FER1L5: variants seen among roughly 807,000 people sequenced by gnomAD.
FER1L5 encodes the protein fer-1-like protein 5.
FER1L5 carries 187 observed loss-of-function variants against 279.9 expected under a neutral mutation model. The observed-to-expected ratio is 0.67, with a 90% CI of 0.59 to 0.75. The LOEUF is 0.75. FER1L5 is among the 30% of genes least tolerant of loss of function. The probability of loss-of-function intolerance (pLI) is 0.00; values close to 1 mark genes in which losing one functional copy is unlikely to be tolerated. For synonymous variants in FER1L5, 921 were observed against 989.7 expected (o/e 0.93, Z 1.30); for missense variants, 2,091 against 2,594.4 (o/e 0.81, Z 4.21).
intron 19 of FER1L5, among the ~76,000 whole-genome samples, chr2:96,680,786 T>C (rs1392905890): frequency 6.6e-6 from 1 of 152,214 alleles, no homozygotes; most frequent in Admixed American, 6.5e-5. Flanking sequence ...AGCACTCAGA[T>C]CACGGATCTG....
intron 9 of FER1L5, among the ~76,000 whole-genome samples, chr2:96,659,476 T>C (rs559082473): frequency 6.5e-5 from 2 of 31,004 alleles, no homozygotes; most frequent in African/African-American, 3.1e-4. Context: ...TTTCTTTCTT[T>C]CTTTCTTTCT....
chr2:96,656,157 C>G (rs932354931), intron 9 of FER1L5, among the ~76,000 whole-genome samples: 1 of 152,176 alleles, frequency 6.6e-6, no homozygotes, highest in African/African-American at 2.4e-5. Flanking sequence ...AATCAAATCT[C>G]AAGCATCACA....
chr2:96,657,681 G>A (rs907336845), intron 9 of FER1L5, among the ~76,000 whole-genome samples: 1 of 152,056 alleles, frequency 6.6e-6, no homozygotes, highest in Non-Finnish European at 1.5e-5. Context: ...ATTTCCTAGA[G>A]TTCATATCAA....
rs540753051 is a variant in FER1L5 at position 96,702,993 on chromosome 2, C to T, written c.5413C>T (p.Leu1805=). 4 of 1,612,404 alleles carry T rather than the reference C, an allele frequency of 2.5e-6. No homozygotes were observed. The highest frequency in any genetic ancestry group is 3.4e-6 in the Non-Finnish European group (4 of 1,179,344). Residue 1805 remains leucine, a synonymous_variant, in exon 49 of 53, where the codon CTG becomes TTG. Transcript: ENST00000624922. This position sits in a 1 kb window ranked among gnomAD's most constrained non-coding sequence, Gnocchi z 4.0. The stretch of plus-strand genomic sequence containing the variant: ...ATTTCCCCAGGATTACATATGGAGC[C>T]TGGATGCCACGTCCATGAAGTTCCC... The part of the protein sequence containing the change: ...VQSQKDYIWS[L]DATSMKFPAR...
intron 37 of FER1L5, 80 bp downstream of exon 37, chr2:96,696,157 A>G: frequency 1.9e-6 from 3 of 1,579,434 alleles, no homozygotes; most frequent in Non-Finnish European, 2.6e-6. Context: ...GGTGTCCATT[A>G]AACAGTCTGG....
At position 96,663,425 on chromosome 2, in the gene FER1L5, T is replaced by C; in HGVS notation, c.1072-14T>C. 1 of 1,551,494 alleles carries C rather than the reference T, an allele frequency of 6.4e-7. No homozygotes were observed. Among genetic ancestry groups the C allele is most frequent in the Non-Finnish European group, 8.7e-7 (1 of 1,146,860 alleles). On this transcript the variant is annotated splice_polypyrimidine_tract_variant and intron_variant, in intron 13 of 52. Coordinates refer to ENST00000624922, the MANE Select transcript of FER1L5 (RefSeq NM_001293083.2). The stretch of plus-strand genomic sequence containing the variant: ...GGGGCAGGCTGGCACCAACACTGCT[T>C]TGGGACATTCCAGCTCAGGACACAC...
chr2:96,670,515 C>T (rs1320202111), intron 18 of FER1L5, among the ~76,000 whole-genome samples: 3 of 152,112 alleles, frequency 2.0e-5, no homozygotes, highest in Non-Finnish European at 4.4e-5. Flanking sequence ...CGGTGGCTCA[C>T]GCCTGTAATC....
At position 96,659,451 on chromosome 2, in the gene FER1L5, T is replaced by C. The variant is rs1182089632; in HGVS notation, c.748-890T>C. ...TTTCTTTCTTTCTTTCTTTCTTTCT[T>C]TCTTTCTTTCTTTCTTTCTTTCTTT... On this transcript the variant is annotated intron_variant, in intron 9 of 52. Coordinates refer to ENST00000624922, the MANE Select transcript of FER1L5 (RefSeq NM_001293083.2). Among the ~76,000 whole-genome samples, 4 of 30,960 alleles carry C rather than the reference T, an allele frequency of 1.3e-4. No individual in the cohort carries two copies. The South Asian group carries it at 5.2e-3, about 40-fold the overall frequency. The allele number at this position is 30,960 out of a possible 152,430, so 20.3% of individuals were successfully genotyped here. A position where few individuals can be genotyped will look rare whatever the true frequency, so the allele number is the denominator to read the frequency against.
In FER1L5 at chr2:96,698,736, G is replaced by A. The variant is rs2077476602; in HGVS notation, c.4422G>A (p.Leu1474=). Residue 1474 remains leucine, a synonymous_variant, in exon 41 of 53, where the codon TTG becomes TTA. Transcript: ENST00000624922. The surrounding 1 kb of genome is among the most constrained non-coding windows in gnomAD (Gnocchi z 5.5). ...CCCCAAAGCCCCCGCTGCAGTTCTT[G>A]GTTTGGCCAGAGAGAGAGGACTTCC... is the stretch of plus-strand genomic sequence containing the variant. ...PEAPKPPLQF[L]VWPEREDFPQ... is the part of the protein sequence containing the mutation. 4 of 1,578,250 alleles carry A rather than the reference G, an allele frequency of 2.5e-6. No homozygotes were observed. The South Asian group carries it at 4.7e-5, about 18-fold the overall frequency.
At chr2:96,688,457 C>CCACTTGGGGAGGTACAGCCCACT (rs1166313864) in intron 24 of FER1L5, among the ~76,000 whole-genome samples, 1 of 152,072 alleles carries the variant, frequency 6.6e-6, no homozygotes, top group Non-Finnish European at 1.5e-5. Flanking sequence ...AACCATCAAC[C>CCACTTGGGGAGGTACAGCCCACT]TGGGGAGTGG....
rs913646128 is a variant in FER1L5 at position 96,689,950 on chromosome 2, C to G, written c.2640+192C>G. On this transcript the variant is annotated intron_variant, in intron 26 of 52. Coordinates refer to ENST00000624922, the MANE Select transcript of FER1L5 (RefSeq NM_001293083.2). This position sits in a 1 kb window ranked among gnomAD's most constrained non-coding sequence, Gnocchi z 4.6. ...ATGGGGTGAGGGGTTTGTAGAAATACCTTAAATAAGACTGAGAAACAACAA... is the reference window on the plus strand; with the variant it reads ...ATGGGGTGAGGGGTTTGTAGAAATAGCTTAAATAAGACTGAGAAACAACAA... 6.6e-6 allele frequency among the ~76,000 whole-genome samples: 1 copy of G among 152,142 alleles called. No homozygotes were observed. The highest frequency in any genetic ancestry group is 1.5e-5 in the Non-Finnish European group (1 of 68,028).
intron 9 of FER1L5, among the ~76,000 whole-genome samples, chr2:96,655,764 C>T (rs1348212951): frequency 2.0e-5 from 3 of 152,166 alleles, no homozygotes; most frequent in Non-Finnish European, 4.4e-5. Context: ...GGCTGGATTG[C>T]AGTGGTGCAA....
In FER1L5 at chr2:96,698,306, C is replaced by T; in HGVS notation, c.4356+150C>T. ...GGAGTGGAGGAGCAGAGATTCGCCT[C>T]CACAGGAACTCGGGGAGCGCTCCCC... On this transcript the variant is annotated intron_variant, in intron 40 of 52. Coordinates refer to ENST00000624922, the MANE Select transcript of FER1L5 (RefSeq NM_001293083.2). This position sits in a 1 kb window ranked among gnomAD's most constrained non-coding sequence, Gnocchi z 5.5. The T allele has an allele frequency of 8.0e-7, 1 of 1,254,248 alleles. No individual in the cohort carries two copies. The highest frequency in any genetic ancestry group is 1.5e-5 in the African/African-American group (1 of 66,236). 77.7% of individuals were successfully genotyped at this position (1,254,248 alleles called of 1,614,324 possible).
chr2:96,673,017 G>C, intron 18 of FER1L5, 60 bp from the exon 19 acceptor site: 4 of 1,503,414 alleles, frequency 2.7e-6, no homozygotes, highest in Non-Finnish European at 3.6e-6. Flanking sequence ...CTCCCTGCCT[G>C]TCAATATAAC....
In FER1L5 at chr2:96,703,532, A is replaced by G; in HGVS notation, c.5701A>G (p.Lys1901Glu). The change falls in exon 51 of 53, where the codon AAG becomes GAG. Residue 1901 changes from lysine to glutamate, a missense_variant. Coordinates refer to ENST00000624922, the MANE Select transcript of FER1L5 (RefSeq NM_001293083.2). The stretch of plus-strand genomic sequence containing the variant: ...CCCATGGTGTTCCTAGGGCAAGGTG[A>G]AGATGAGCCTGGAGATTCTGTCAGA... ...GGKWRLSGKV[K>E]MSLEILSEKE... 6.2e-7 allele frequency: 1 copy of G among 1,613,986 alleles called. No homozygotes were observed. Among genetic ancestry groups the G allele is most frequent in the Non-Finnish European group, 8.5e-7 (1 of 1,179,886 alleles).
chr2:96,662,149 G>A (rs984454390), intron 12 of FER1L5, 66 bp from the exon 13 acceptor site: 45 of 1,486,692 alleles, frequency 3.0e-5, no homozygotes, highest in South Asian at 1.6e-4. Context: ...TTGTTCTGTC[G>A]CCACCCTATT....
intron 1 of FER1L5, among the ~76,000 whole-genome samples, chr2:96,645,688 A>T (rs2106409551): frequency 6.6e-6 from 1 of 152,184 alleles, no homozygotes; most frequent in Non-Finnish European, 1.5e-5. Flanking sequence ...AGGTGGGAGG[A>T]TGACTTGAGC....
In FER1L5 at chr2:96,704,289, G is replaced by A. The variant is rs375430386; in HGVS notation, c.5876G>A (p.Arg1959His). 4.3e-5 allele frequency: 69 copies of A among 1,613,836 alleles called. No homozygotes were observed. The highest frequency in any genetic ancestry group is 2.6e-4 in the South Asian group (24 of 91,080). ...NFCYIFWKRY[R>H]FKLIAFMVIS... The stretch of plus-strand genomic sequence containing the variant: ...TGCTATATTTTCTGGAAACGCTATC[G>A]CTTCAAACTCATAGCCTTTATGGTC... The change falls in exon 52 of 53, where the codon CGC becomes CAC. Residue 1959 changes from arginine (R) to histidine (H), a missense_variant. Physicochemically the swap from Arg to His is conservative, Grantham distance 29 (BLOSUM62 0). Transcript: ENST00000624922.
intron 26 of FER1L5, 84 bp from the exon 27 acceptor site, chr2:96,690,403 C>G (rs1404642075): frequency 7.8e-7 from 1 of 1,281,284 alleles, no homozygotes; most frequent in Admixed American, 2.0e-5. Flanking sequence ...ACAGCAGGCA[C>G]GCACACAGGT....
Sources: allele counts gnomAD v4.1 joint callset (sites outside exome capture counted in the v4.1 genomes callset), GRCh38; gene constraint gnomAD v4.1.1; non-coding constraint Gnocchi (gnomAD v3.1); transcripts MANE v1.5; gene names NCBI Gene and HGNC (gene_info 2026-07-23, HGNC 2026-07-21).